CNBD1: variants seen among roughly 807,000 people sequenced by gnomAD.
CNBD1 encodes the protein cyclic nucleotide-binding domain-containing protein 1.
In CNBD1, 71 loss-of-function variants were observed where a neutral mutation model predicts 54.4. The ratio of observed to expected loss-of-function variants is 1.30; its 90% CI spans 1.08 to 1.59. The LOEUF (loss-of-function observed/expected upper bound fraction) is 1.59. Among genes scored for constraint, CNBD1 ranks in the 40% most tolerant of loss-of-function variants. The pLI is 0.00. For synonymous variants in CNBD1, 182 were observed against 170.7 expected (o/e 1.07, Z -0.51); for missense variants, 659 against 518.0 (o/e 1.27, Z -2.64).
chr8:87,343,358 T>A (rs1810106052), intron 8 of CNBD1, among the ~76,000 whole-genome samples: 1 of 152,148 alleles, frequency 6.6e-6, no homozygotes, highest in Non-Finnish European at 1.5e-5. Context: ...ACATACATCC[T>A]CAGCTTACAA....
intron 8 of CNBD1, among the ~76,000 whole-genome samples, chr8:87,302,899 G>T (rs1292160971): frequency 2.6e-5 from 4 of 151,836 alleles, no homozygotes; most frequent in Admixed American, 6.6e-5. Flanking sequence ...GCTTCAAAGA[G>T]AATAAAATAC....
rs62528089 is a variant in CNBD1, at chr8:87,285,354, G to A, written c.909+539G>A. 6.6e-3 allele frequency among the ~76,000 whole-genome samples: 1,007 copies of A among 152,268 alleles called. 4 individuals carry two copies. Among genetic ancestry groups the A allele is most frequent in the Non-Finnish European group, 0.012 (789 of 68,022 alleles). The stretch of plus-strand genomic sequence containing the variant: ...TTTAAGATAACTTCATTTACTTAAA[G>A]TTTAATAATTTATTCTCTTCTAATC... On this transcript the variant is annotated intron_variant, in intron 7 of 10. Coordinates refer to ENST00000518476, the MANE Select transcript of CNBD1 (RefSeq NM_173538.3).
chr8:87,247,381 G>T (rs932957186), intron 6 of CNBD1, among the ~76,000 whole-genome samples: 5 of 152,132 alleles, frequency 3.3e-5, no homozygotes, highest in African/African-American at 1.2e-4. Flanking sequence ...AGACGGCCCT[G>T]GCTGTGTCTC....
intron 4 of CNBD1, among the ~76,000 whole-genome samples, chr8:86,957,561 G>A (rs1488762507): frequency 6.6e-6 from 1 of 151,970 alleles, no homozygotes; most frequent in Non-Finnish European, 1.5e-5. Flanking sequence ...GTCTTGGGAG[G>A]GTGTATGTGT....
chr8:87,192,866 T>C (rs977818205), intron 4 of CNBD1, among the ~76,000 whole-genome samples: 1 of 152,178 alleles, frequency 6.6e-6, no homozygotes, highest in Non-Finnish European at 1.5e-5. Flanking sequence ...CAAGGTGCTC[T>C]GTGTCTGTAT....
At chr8:87,322,472 C>T (rs1809558148) in intron 8 of CNBD1, among the ~76,000 whole-genome samples, 1 of 122,072 alleles carries the variant, frequency 8.2e-6, no homozygotes, top group African/African-American at 3.1e-5. Context: ...CCTGTTGTTT[C>T]CTGACTTTTT....
At chr8:86,948,853 G>A (rs573725542) in intron 4 of CNBD1, among the ~76,000 whole-genome samples, 24 of 152,168 alleles carry the variant, frequency 1.6e-4, no homozygotes, top group African/African-American at 4.8e-4. Context: ...ACGTCCTGGA[G>A]TTTTCCAATG....
At chr8:87,141,930 T>A (rs1812378244) in intron 4 of CNBD1, among the ~76,000 whole-genome samples, 1 of 152,168 alleles carries the variant, frequency 6.6e-6, no homozygotes, top group African/African-American at 2.4e-5. Context: ...CTGTAATTAT[T>A]TCTTTAAAAT....
chr8:87,357,574 T>G (rs1036876523), intron 10 of CNBD1, among the ~76,000 whole-genome samples: 2 of 152,208 alleles, frequency 1.3e-5, no homozygotes, highest in African/African-American at 2.4e-5. Context: ...GGAATGGGAA[T>G]GTTTACTTGA....
At chr8:87,209,795 A>T (rs1814053845) in intron 5 of CNBD1, among the ~76,000 whole-genome samples, 1 of 152,194 alleles carries the variant, frequency 6.6e-6, no homozygotes, top group Admixed American at 6.5e-5. Flanking sequence ...GATTATAATA[A>T]AAACACAAGG....
chr8:87,026,279 T>G (rs1809643339), intron 4 of CNBD1, among the ~76,000 whole-genome samples: 1 of 151,816 alleles, frequency 6.6e-6, no homozygotes, highest in South Asian at 2.1e-4. Context: ...AGTTTTTCTT[T>G]TCTTTTCTCT....
chr8:87,137,189 T>C (rs1812272217), intron 4 of CNBD1, among the ~76,000 whole-genome samples: 1 of 142,366 alleles, frequency 7.0e-6, no homozygotes, highest in Non-Finnish European at 1.5e-5. Context: ...TTTTATTCTA[T>C]ATAAATTATA....
rs138979017 is a variant in CNBD1 at position 86,968,794 on chromosome 8, G to A, written c.431+29040G>A. On this transcript the variant is annotated intron_variant, in intron 4 of 10. Transcript: ENST00000518476. ...GTGGCTTAGTGAATCTGCATTTTTT[G>A]TAAGACAACATAGACAATAGGGCAG... Among the ~76,000 whole-genome samples the A allele has an allele frequency of 2.0e-3, 309 of 152,248 alleles. 2 individuals carry two copies. The highest frequency in any genetic ancestry group is 7.1e-3 in the African/African-American group (293 of 41,554).
chr8:87,251,595 G>GAAAA (rs34264085), intron 6 of CNBD1, among the ~76,000 whole-genome samples: 4 of 135,396 alleles, frequency 3.0e-5, no homozygotes, highest in African/African-American at 5.4e-5. Flanking sequence ...TCTCAAAAAA[G>GAAAA]AAAAAAAAAA....
rs544274291 is a variant in CNBD1 at position 87,120,419 on chromosome 8, CT to C, written c.432-85573del. Among the ~76,000 whole-genome samples the C allele has an allele frequency of 2.7e-3, 416 of 152,018 alleles. 1 individual carries two copies. Among genetic ancestry groups the C allele is most frequent in the African/African-American group, 9.7e-3 (402 of 41,508 alleles). The stretch of plus-strand genomic sequence containing the variant: ...ATTTCTGTGGTATCAGTTGAAATGC[CT>C]CCTTTTTCCTTTCTGATATTGTTTA... On this transcript the variant is annotated intron_variant, in intron 4 of 10. Transcript: ENST00000518476.
At chr8:86,932,884 G>C (rs559086275) in intron 3 of CNBD1, among the ~76,000 whole-genome samples, 5 of 152,108 alleles carry the variant, frequency 3.3e-5, no homozygotes, top group Admixed American at 2.0e-4. Flanking sequence ...GGACCCTGCT[G>C]TTTGGAATAG....
intron 4 of CNBD1, among the ~76,000 whole-genome samples, chr8:87,109,309 A>G (rs1258359431): frequency 6.6e-6 from 1 of 151,956 alleles, no homozygotes; most frequent in Non-Finnish European, 1.5e-5. Context: ...CCTTTCCTTG[A>G]CCTTTGACAT....
intron 6 of CNBD1, among the ~76,000 whole-genome samples, chr8:87,267,159 A>G (rs1586377384): frequency 6.6e-6 from 1 of 152,328 alleles, no homozygotes; most frequent in East Asian, 1.9e-4. Context: ...CAAATCAAAA[A>G]GGACAATATA....
At chr8:87,039,369 G>T (rs1172176005) in intron 4 of CNBD1, among the ~76,000 whole-genome samples, 4 of 151,892 alleles carry the variant, frequency 2.6e-5, no homozygotes, top group African/African-American at 9.7e-5. Flanking sequence ...CAGTATGTTT[G>T]TACTCAAAAG....
Sources: gnomAD v4.1 joint callset for allele counts (sites outside exome capture counted in the v4.1 genomes callset) on GRCh38, gnomAD v4.1.1 for gene constraint, MANE v1.5 for transcripts, NCBI Gene and HGNC (gene_info 2026-07-23, HGNC 2026-07-21) for gene names.